RBFOX1: variants seen among roughly 807,000 people sequenced by gnomAD.
The protein encoded by RBFOX1 is RNA binding fox-1 homolog 1.
In RBFOX1, 8 loss-of-function variants were observed where a neutral mutation model predicts 57.7. The ratio of observed to expected loss-of-function variants is 0.14; its 90% CI spans 0.08 to 0.25. RBFOX1 has a LOEUF of 0.25. Among genes scored for constraint, RBFOX1 ranks in the 10% least tolerant of loss-of-function variants. RBFOX1 has a pLI of 1.00. For synonymous variants in RBFOX1, 326 were observed against 222.4 expected (o/e 1.47, Z -4.15); for missense variants, 611 against 548.5 (o/e 1.11, Z -1.14).
intron 6 of RBFOX1, 68 bp from the exon 7 acceptor site, chr16:7,587,179 A>G: frequency 7.4e-7 from 1 of 1,350,400 alleles, no homozygotes; most frequent in South Asian, 2.4e-5. Context: ...GGAAACAATT[A>G]CTACTGTACA....
At chr16:6,635,229 C>T (rs1017564510) in intron 2 of RBFOX1, among the ~76,000 whole-genome samples, 2 of 149,814 alleles carry the variant, frequency 1.3e-5, no homozygotes, top group Non-Finnish European at 3.0e-5. Flanking sequence ...ATATATAATA[C>T]TTTCAATTTA....
At chr16:7,011,973 A>AAGTAGAT in intron 3 of RBFOX1, among the ~76,000 whole-genome samples, 1 of 152,312 alleles carries the variant, frequency 6.6e-6, no homozygotes, top group East Asian at 1.9e-4. Context: ...GACATTGGCT[A>AAGTAGAT]AGTAGATCAT....
intron 3 of RBFOX1, among the ~76,000 whole-genome samples, chr16:5,821,758 C>T (rs2055865820): frequency 6.6e-6 from 1 of 152,142 alleles, no homozygotes; most frequent in African/African-American, 2.4e-5. Flanking sequence ...GTCAAGGCAC[C>T]AGCAGGTTCA....
chr16:5,406,006 A>G (rs1271629876), intron 1 of RBFOX1, among the ~76,000 whole-genome samples: 1 of 152,212 alleles, frequency 6.6e-6, no homozygotes, highest in Non-Finnish European at 1.5e-5. Flanking sequence ...CCTATTACAT[A>G]AAATAATGAG....
intron 5 of RBFOX1, among the ~76,000 whole-genome samples, chr16:7,560,478 T>C (rs1450353627): frequency 6.6e-6 from 1 of 152,000 alleles, no homozygotes; most frequent in African/African-American, 2.4e-5. Flanking sequence ...CTGCTCCGGA[T>C]TTCACATTGT....
intron 3 of RBFOX1, among the ~76,000 whole-genome samples, chr16:5,755,840 C>T (rs984619692): frequency 3.1e-4 from 47 of 152,082 alleles, no homozygotes; most frequent in South Asian, 2.1e-4. Context: ...TCAGGTGATC[C>T]GCCTGCCTCG....
At chr16:7,399,253 G>A (rs146823168) in intron 4 of RBFOX1, among the ~76,000 whole-genome samples, 2 of 152,034 alleles carry the variant, frequency 1.3e-5, no homozygotes, top group Non-Finnish European at 2.9e-5. Context: ...TTTGAGACCA[G>A]CTTGACCAAC....
intron 2 of RBFOX1, among the ~76,000 whole-genome samples, chr16:6,532,514 G>A (rs1026960422): frequency 1.2e-4 from 18 of 152,086 alleles, no homozygotes; most frequent in African/African-American, 4.1e-4. Context: ...TTTCTATTAG[G>A]GCTGTGCTCC....
chr16:5,557,389 C>T (rs2045720572), intron 2 of RBFOX1, among the ~76,000 whole-genome samples: 1 of 141,946 alleles, frequency 7.0e-6, no homozygotes, highest in Non-Finnish European at 1.6e-5. Context: ...GGGAGTCAAG[C>T]ACATGGGCAT....
intron 3 of RBFOX1, among the ~76,000 whole-genome samples, chr16:6,715,077 G>T (rs1035724441): frequency 7.2e-5 from 11 of 152,136 alleles, no homozygotes; most frequent in South Asian, 2.1e-4. Context: ...TTCTCCTAAA[G>T]TCTGTGTGCG....
At chr16:6,839,094 C>G (rs949894627) in intron 3 of RBFOX1, among the ~76,000 whole-genome samples, 3 of 151,920 alleles carry the variant, frequency 2.0e-5, no homozygotes, top group African/African-American at 7.3e-5. Flanking sequence ...AAGTGATTCT[C>G]CCGCCTCAGC....
intron 2 of RBFOX1, among the ~76,000 whole-genome samples, chr16:5,566,638 A>T (rs964949761): frequency 2.0e-5 from 3 of 146,710 alleles, no homozygotes; most frequent in Non-Finnish European, 3.0e-5. Flanking sequence ...ATATGTGTAT[A>T]TGTGTGTATA....
At chr16:5,797,790 G>C (rs980098698) in intron 3 of RBFOX1, among the ~76,000 whole-genome samples, 1 of 152,146 alleles carries the variant, frequency 6.6e-6, no homozygotes, top group African/African-American at 2.4e-5. Flanking sequence ...ACAGCAGATA[G>C]TGATTAATTA....
At chr16:6,696,770 T>C (rs2061115111) in intron 3 of RBFOX1, among the ~76,000 whole-genome samples, 1 of 152,180 alleles carries the variant, frequency 6.6e-6, no homozygotes, top group Non-Finnish European at 1.5e-5. Flanking sequence ...GTGCCTGTGT[T>C]TGGAGTGTTT....
chr16:6,019,393 A>T lies in RBFOX1; in HGVS notation c.-726A>T. The T allele has an allele frequency of 1.0e-6, 1 of 985,894 alleles. No individual in the cohort carries two copies. The allele number at this position is 985,894 out of a possible 1,614,324, so 61.1% of individuals were successfully genotyped here. ...TGCGCTGCCCTGAAGTGGTTCTCCA[A>T]GCAGCGCGGAGGGTGGCGGACGGCG... On this transcript the variant is annotated 5_prime_UTR_variant, in exon 1 of 16. It adds an upstream start codon to the 5' untranslated region. Transcript: ENST00000550418. This position sits in a 1 kb window ranked among gnomAD's most constrained non-coding sequence, Gnocchi z 4.2.
intron 3 of RBFOX1, among the ~76,000 whole-genome samples, chr16:6,941,102 G>T (rs1050707717): frequency 6.6e-6 from 1 of 152,000 alleles, no homozygotes; most frequent in South Asian, 2.1e-4. Context: ...ACAGGAAAGA[G>T]TCTTAGTTGG....
chr16:7,595,659 T>A lies in RBFOX1; in HGVS notation c.561+18T>A, dbSNP rs746905956. ...AAATCGAGGTGCATGTTCAAAATAT[T>A]TTCCTTTTCATCTTTTTTATAAATG... On this transcript the variant is annotated intron_variant, in intron 8 of 15. Coordinates refer to ENST00000550418, the MANE Select transcript of RBFOX1 (RefSeq NM_018723.4). 3 of 1,557,284 alleles carry A rather than the reference T, an allele frequency of 1.9e-6. No homozygotes were observed. The East Asian group carries it at 6.9e-5, about 36-fold the overall frequency.
chr16:7,378,011 A>G (rs908232593), intron 4 of RBFOX1, among the ~76,000 whole-genome samples: 2 of 152,156 alleles, frequency 1.3e-5, no homozygotes, highest in African/African-American at 4.8e-5. Flanking sequence ...CAAAGTCTCT[A>G]AAGTTAGAAT....
rs1049350104 is a variant in RBFOX1, at chr16:5,515,898, C to T, written c.258+48644C>T. On this transcript the variant is annotated intron_variant, in intron 2 of 2. Transcript: ENST00000585867. ...TTTTCTCACCTAATCCTCACAGTAA[C>T]ACAATGAGGTAGTCTATTCATATTT... Among the ~76,000 whole-genome samples, 4 of 152,270 alleles carry T rather than the reference C, an allele frequency of 2.6e-5. No homozygotes were observed. In the South Asian group the frequency reaches 8.3e-4, roughly 32 times the overall value.
Sources: allele counts gnomAD v4.1 joint callset (sites outside exome capture counted in the v4.1 genomes callset), GRCh38; gene constraint gnomAD v4.1.1; non-coding constraint Gnocchi (gnomAD v3.1); transcripts MANE v1.5; gene names NCBI Gene and HGNC (gene_info 2026-07-23, HGNC 2026-07-21).